Variants in AHI1 observed in about 807,000 individuals in gnomAD.
The protein encoded by AHI1 is jouberin.
A neutral mutation model predicts 149.3 loss-of-function variants in AHI1; 123 were observed. That is an observed-to-expected ratio of 0.82 (90% CI 0.71 to 0.96). The LOEUF (loss-of-function observed/expected upper bound fraction) is 0.96, where lower values mean the gene tolerates loss of function less well. Ranked by LOEUF, AHI1 falls within the 40% of genes least tolerant of loss-of-function variation. The pLI, the probability that AHI1 is intolerant of heterozygous loss-of-function variation, is 0.00. For synonymous variants in AHI1, 475 were observed against 459.8 expected (o/e 1.03, Z -0.42); for missense variants, 1,439 against 1,422.7 (o/e 1.01, Z -0.18).
chr6:135,378,699 AATATATT>A (rs1275608439), intron 23 of AHI1, among the ~76,000 whole-genome samples: 22 of 152,190 alleles, frequency 1.4e-4, no homozygotes, highest in African/African-American at 5.3e-4. Flanking sequence ...TAGATTTAAC[AATATATT>A]ATGGACTGAA....
intron 27 of AHI1, among the ~76,000 whole-genome samples, chr6:135,294,698 C>CAAAAAAAAAAAAAAAAAAAGAA (rs1327970263): frequency 1.5e-5 from 1 of 68,020 alleles, no homozygotes; most frequent in African/African-American, 4.8e-5. Context: ...TCTCCAAATG[C>CAAAAAAAAAAAAAAAAAAAGAA]AAAAAAAAAA....
intron 5 of AHI1, among the ~76,000 whole-genome samples, chr6:135,471,951 G>T (rs1363813122): frequency 2.3e-5 from 3 of 133,302 alleles, no homozygotes; most frequent in African/African-American, 8.1e-5. Flanking sequence ...AGCGGAGCTT[G>T]CAGTGAGCCG....
intron 23 of AHI1, among the ~76,000 whole-genome samples, chr6:135,376,921 A>AAAAAAAAAAAAT (rs1776025303): frequency 7.8e-6 from 1 of 128,690 alleles, no homozygotes. Context: ...AAAAAAAAAA[A>AAAAAAAAAAAAT]GTTGGTCCAG....
intron 24 of AHI1, among the ~76,000 whole-genome samples, chr6:135,330,327 TCA>T (rs138679428): frequency 0.012 from 1,775 of 152,300 alleles, 39 homozygotes; most frequent in African/African-American, 0.041. Context: ...TCAGCAACTA[TCA>T]GTCTGGTCAG....
intron 27 of AHI1, among the ~76,000 whole-genome samples, chr6:135,293,406 G>GAA (rs71547029): frequency 2.9e-4 from 19 of 65,630 alleles, no homozygotes; most frequent in Non-Finnish European, 4.0e-4. Context: ...AAAAAAAAAA[G>GAA]AAAAAAAAAA....
chr6:135,485,155 C>T (rs1251405913), intron 5 of AHI1, among the ~76,000 whole-genome samples: 1 of 151,376 alleles, frequency 6.6e-6, no homozygotes, highest in Non-Finnish European at 1.5e-5. Flanking sequence ...CTCACTGAAA[C>T]CTCCACCTCC....
intron 26 of AHI1, among the ~76,000 whole-genome samples, chr6:135,310,410 G>C (rs942578920): frequency 6.6e-6 from 1 of 152,174 alleles, no homozygotes; most frequent in Non-Finnish European, 1.5e-5. Flanking sequence ...GTGTATGTGT[G>C]TTTGGCTGGA....
intron 3 of AHI1, chr6:135,493,101 C>T (rs1050647886): frequency 8.1e-6 from 3 of 370,888 alleles, no homozygotes; most frequent in South Asian, 2.2e-4. Context: ...CAGGTTCAAG[C>T]GATTCTCCTG....
chr6:135,446,035 G>A (rs1227723308), intron 13 of AHI1, among the ~76,000 whole-genome samples: 1 of 151,538 alleles, frequency 6.6e-6, no homozygotes, highest in Non-Finnish European at 1.5e-5. Flanking sequence ...CAGCCTGGGC[G>A]ACAGAGCAAG....
intron 25 of AHI1, 46 bp downstream of exon 25, chr6:135,323,116 T>C: frequency 6.6e-7 from 1 of 1,514,548 alleles, no homozygotes; most frequent in Non-Finnish European, 8.9e-7. Flanking sequence ...TCTTGGACTA[T>C]CAGTTATACC....
chr6:135,438,335 G>A (rs1785726927), intron 15 of AHI1, 40 bp downstream of exon 15: 2 of 1,497,210 alleles, frequency 1.3e-6, no homozygotes, highest in South Asian at 3.0e-5. Flanking sequence ...TTCCTTGACA[G>A]CAAACAGCAT....
intron 22 of AHI1, among the ~76,000 whole-genome samples, chr6:135,395,892 G>A (rs970853611): frequency 9.2e-5 from 14 of 151,562 alleles, no homozygotes; most frequent in African/African-American, 3.4e-4. Context: ...ACCATACAGA[G>A]GACTTCTACT....
At chr6:135,421,777 T>C (rs1428423629) in intron 20 of AHI1, among the ~76,000 whole-genome samples, 1 of 152,198 alleles carries the variant, frequency 6.6e-6, no homozygotes, top group Non-Finnish European at 1.5e-5. Flanking sequence ...CATATCAAAG[T>C]ACCTATTATG....
intron 25 of AHI1, among the ~76,000 whole-genome samples, 171 bp downstream of exon 25, chr6:135,322,991 T>G (rs945513972): frequency 4.6e-5 from 7 of 152,244 alleles, no homozygotes. Flanking sequence ...GCTTCTAATG[T>G]ACTAGTGCCT....
At chr6:135,471,931 GA>G (rs1791772107) in intron 5 of AHI1, among the ~76,000 whole-genome samples, 1 of 146,788 alleles carries the variant, frequency 6.8e-6, no homozygotes, top group South Asian at 2.1e-4. Context: ...AGAATGGCGT[GA>G]ACCTGGGAAG....
At chr6:135,421,272 T>G (rs376480697) in intron 20 of AHI1, among the ~76,000 whole-genome samples, 2 of 151,962 alleles carry the variant, frequency 1.3e-5, no homozygotes, top group African/African-American at 4.8e-5. Context: ...AGACACCAAG[T>G]GAGCACACAA....
At chr6:135,447,210 CT>C in intron 12 of AHI1, 50 bp from the exon 13 acceptor site, 1 of 1,265,472 alleles carries the variant, frequency 7.9e-7, no homozygotes. Context: ...TCACCTTTTT[CT>C]TTTTCTAGCA....
chr6:135,408,351 T>A (rs1189327202), intron 21 of AHI1, among the ~76,000 whole-genome samples: 3 of 152,098 alleles, frequency 2.0e-5, no homozygotes, highest in Non-Finnish European at 4.4e-5. Flanking sequence ...TCTTTAAAGC[T>A]CAATGTATCT....
chr6:135,473,130 T>G (rs1227825185), intron 5 of AHI1, among the ~76,000 whole-genome samples: 1 of 152,156 alleles, frequency 6.6e-6, no homozygotes, highest in East Asian at 1.9e-4. Context: ...TCTAGTTAAT[T>G]TTTAAACATG....
Sources: allele counts gnomAD v4.1 joint callset (sites outside exome capture counted in the v4.1 genomes callset), GRCh38; gene constraint gnomAD v4.1.1; transcripts MANE v1.5; gene names NCBI Gene and HGNC (gene_info 2026-07-23, HGNC 2026-07-21).